The following JARID2 variants were observed in gnomAD, a reference collection of about 807,000 sequenced individuals.
JARID2 encodes protein Jumonji.
A neutral mutation model predicts 125.6 loss-of-function variants in JARID2; 21 were observed. The ratio of observed to expected loss-of-function variants is 0.17; its 90% CI spans 0.12 to 0.24. JARID2 has a LOEUF of 0.24. Ranked by LOEUF, JARID2 falls within the 10% of genes least tolerant of loss-of-function variation. JARID2 has a pLI of 1.00. For missense variants in JARID2, 1,303 were observed against 1,639.6 expected (o/e 0.79, Z 3.55); for synonymous variants, 736 against 661.6 (o/e 1.11, Z -1.73).
intron 1 of JARID2, among the ~76,000 whole-genome samples, chr6:15,315,225 T>C (rs1425039738): frequency 6.6e-6 from 1 of 152,212 alleles, no homozygotes; most frequent in African/African-American, 2.4e-5. Context: ...AGTGAATTGA[T>C]TCTGCCAGAA....
intron 17 of JARID2, among the ~76,000 whole-genome samples, chr6:15,518,134 A>T (rs943342446): frequency 6.6e-6 from 1 of 152,198 alleles, no homozygotes; most frequent in Admixed American, 6.5e-5. Context: ...TCCCTCCTTC[A>T]CCTTAGCAGC....
At chr6:15,283,662 T>C (rs1020904627) in intron 1 of JARID2, among the ~76,000 whole-genome samples, 1 of 151,344 alleles carries the variant, frequency 6.6e-6, no homozygotes, top group Non-Finnish European at 1.5e-5. Flanking sequence ...TTATTAAATA[T>C]GTTGCAAATA....
chr6:15,421,580 C>T (rs1202974520), intron 3 of JARID2, among the ~76,000 whole-genome samples: 1 of 152,130 alleles, frequency 6.6e-6, no homozygotes, highest in Non-Finnish European at 1.5e-5. Flanking sequence ...CTGTCTCTTC[C>T]GTTAGGAAGA....
chr6:15,361,655 G>C (rs1763796277), intron 1 of JARID2, among the ~76,000 whole-genome samples: 1 of 151,994 alleles, frequency 6.6e-6, no homozygotes, highest in Non-Finnish European at 1.5e-5. Flanking sequence ...CAGTCCTCAT[G>C]GCTTTGGGTA....
chr6:15,287,438 AATG>A (rs1248319727), intron 1 of JARID2, among the ~76,000 whole-genome samples: 3 of 152,216 alleles, frequency 2.0e-5, no homozygotes, highest in Non-Finnish European at 4.4e-5. Flanking sequence ...ATTTTAAAAT[AATG>A]ATGTTATTTC....
At chr6:15,384,341 A>G (rs1764701753) in intron 2 of JARID2, among the ~76,000 whole-genome samples, 1 of 150,252 alleles carries the variant, frequency 6.7e-6, no homozygotes. Flanking sequence ...TCGAAAGTCA[A>G]GTTTAAGCCA....
intron 3 of JARID2, among the ~76,000 whole-genome samples, chr6:15,425,407 G>A (rs1235773815): frequency 7.9e-6 from 1 of 126,542 alleles, no homozygotes; most frequent in East Asian, 2.5e-4. Flanking sequence ...AAGTAGAGAA[G>A]TAAATAATTT....
chr6:15,322,285 T>G (rs998221167), intron 1 of JARID2, among the ~76,000 whole-genome samples: 1 of 152,232 alleles, frequency 6.6e-6, no homozygotes, highest in Admixed American at 6.5e-5. Context: ...TCTGTGCTTC[T>G]GATTCTGAGA....
intron 1 of JARID2, among the ~76,000 whole-genome samples, chr6:15,281,857 A>G (rs1452621395): frequency 6.6e-6 from 1 of 152,026 alleles, no homozygotes; most frequent in Non-Finnish European, 1.5e-5. Context: ...CTGTCCATAC[A>G]CCTTTCAAAC....
chr6:15,489,477 T>C (rs1770043877), intron 6 of JARID2, among the ~76,000 whole-genome samples: 1 of 152,198 alleles, frequency 6.6e-6, no homozygotes, highest in Admixed American at 6.5e-5. Context: ...GGGATACGCC[T>C]GTCATCTCAG....
chr6:15,472,782 G>C (rs1317724432), intron 5 of JARID2, among the ~76,000 whole-genome samples: 1 of 152,108 alleles, frequency 6.6e-6, no homozygotes, highest in Non-Finnish European at 1.5e-5. Flanking sequence ...TTCAGTCTGT[G>C]TTAGGCCTGC....
At chr6:15,499,377 G>C (rs1164980902) in intron 7 of JARID2, among the ~76,000 whole-genome samples, 2 of 152,216 alleles carry the variant, frequency 1.3e-5, no homozygotes, top group Non-Finnish European at 2.9e-5. Flanking sequence ...CCCTGAGTGG[G>C]AGTGATCGCA....
intron 2 of JARID2, among the ~76,000 whole-genome samples, chr6:15,405,981 TAAAG>T (rs544176820): frequency 1.2e-4 from 18 of 152,178 alleles, no homozygotes; most frequent in South Asian, 2.1e-4. Context: ...GGGGGTTAGA[TAAAG>T]AAAAAGCCCA....
At chr6:15,269,748 A>G (rs1760226144) in intron 1 of JARID2, among the ~76,000 whole-genome samples, 1 of 152,034 alleles carries the variant, frequency 6.6e-6, no homozygotes, top group African/African-American at 2.4e-5. Context: ...TTTGCAAAGA[A>G]TATCCAGGCA....
intron 4 of JARID2, among the ~76,000 whole-genome samples, chr6:15,459,587 G>A (rs960436941): frequency 2.0e-5 from 3 of 152,182 alleles, no homozygotes; most frequent in Non-Finnish European, 4.4e-5. Context: ...TGAGGCAGAG[G>A]TAGTGGAGAG....
chr6:15,251,559 G>T (rs1345017137), intron 1 of JARID2, among the ~76,000 whole-genome samples: 1 of 152,170 alleles, frequency 6.6e-6, no homozygotes, highest in Non-Finnish European at 1.5e-5. Context: ...GCCACCTCTG[G>T]GATGTACCTC....
In JARID2 at chr6:15,466,734, C is replaced by G. The variant is rs529906247; in HGVS notation, c.494-1808C>G. Among the ~76,000 whole-genome samples the G allele has an allele frequency of 4.4e-4, 67 of 152,298 alleles. No individual in the cohort carries two copies. In the South Asian group the frequency reaches 0.013, roughly 31 times the overall value. Reference sequence around the variant, plus strand: ...TTAGCCTCCTGTTTTCCTTGTCAGTCTTGTACCAATTGTAAAACCATTTAG... The same window carrying G: ...TTAGCCTCCTGTTTTCCTTGTCAGTGTTGTACCAATTGTAAAACCATTTAG... On this transcript the variant is annotated intron_variant, in intron 4 of 17. Transcript: ENST00000341776.
In JARID2 at chr6:15,340,567, G is replaced by A. The variant is rs554650559; in HGVS notation, c.46-33550G>A. On this transcript the variant is annotated intron_variant, in intron 1 of 17. Coordinates refer to ENST00000341776, the MANE Select transcript of JARID2 (RefSeq NM_004973.4). ...CTGGTCTTTGTAGTGGATGGATATT[G>A]GAGAAACCCATGAGGTGATATATAT... is the stretch of plus-strand genomic sequence containing the variant. Among the ~76,000 whole-genome samples, 15 of 152,254 alleles carry A rather than the reference G, an allele frequency of 9.9e-5. No homozygotes were observed. In the East Asian group the frequency reaches 2.9e-3, roughly 29 times the overall value.
intron 2 of JARID2, among the ~76,000 whole-genome samples, chr6:15,402,840 C>G (rs966063879): frequency 1.3e-5 from 2 of 151,940 alleles, no homozygotes; most frequent in African/African-American, 4.8e-5. Flanking sequence ...ACTGGGTTGT[C>G]TGGTGGGTGT....
Sources: allele counts gnomAD v4.1 joint callset (sites outside exome capture counted in the v4.1 genomes callset), GRCh38; gene constraint gnomAD v4.1.1; transcripts MANE v1.5; gene names NCBI Gene and HGNC (gene_info 2026-07-23, HGNC 2026-07-21).